The following TARBP1 variants were observed in gnomAD, a reference collection of about 807,000 sequenced individuals.
TARBP1 encodes tRNA guanosine 2 -O-methyltransferase TARBP1, also known as tRNA (guanosine(18)-2'-O)-methyltransferase TARBP1.
In TARBP1, 144 loss-of-function variants were observed where a neutral mutation model predicts 178.6. The ratio of observed to expected loss-of-function variants is 0.81; its 90% CI spans 0.70 to 0.93. The LOEUF (loss-of-function observed/expected upper bound fraction) is 0.93. Ranked by LOEUF, TARBP1 falls within the 40% of genes least tolerant of loss-of-function variation. The pLI, the probability that TARBP1 is intolerant of heterozygous loss-of-function variation, is 0.00. For missense variants in TARBP1, 2,067 were observed against 2,011.7 expected (o/e 1.03, Z -0.53); for synonymous variants, 787 against 781.0 (o/e 1.01, Z -0.13).
At chr1:234,428,895 G>A (rs1316096702) in intron 17 of TARBP1, among the ~76,000 whole-genome samples, 1 of 152,110 alleles carries the variant, frequency 6.6e-6, no homozygotes, top group Admixed American at 6.5e-5. Context: ...TTTAAACACT[G>A]TATGAACCAA....
intron 19 of TARBP1, among the ~76,000 whole-genome samples, chr1:234,426,047 C>T (rs1190622140): frequency 1.3e-5 from 2 of 152,212 alleles, no homozygotes; most frequent in African/African-American, 2.4e-5. Context: ...AGAATCAATG[C>T]ACACGCTGCT....
At chr1:234,413,745 A>T (rs1480138356) in intron 22 of TARBP1, among the ~76,000 whole-genome samples, 1 of 152,176 alleles carries the variant, frequency 6.6e-6, no homozygotes, top group Non-Finnish European at 1.5e-5. Context: ...CAGGGTGGAA[A>T]GCAGATGGAA....
At position 234,459,287 on chromosome 1, in the gene TARBP1, G is replaced by C; in HGVS notation, c.1575C>G (p.Leu525=). ...GGTAGCATTGGGCTGCCCCTCTCAG[G>C]AGAATCTGATGTGTGATCATAGTGC... The part of the protein sequence containing the change: ...IHCTMITHQI[L]LRGAAQCYLL... Residue 525 remains leucine (L), a synonymous_variant, in exon 8 of 30, where the codon CTC becomes CTG. Transcript: ENST00000040877. 12 of 1,613,428 alleles carry C rather than the reference G, an allele frequency of 7.4e-6. No homozygotes were observed. The highest frequency in any genetic ancestry group is 1.0e-5 in the Non-Finnish European group (12 of 1,179,764).
In TARBP1 at chr1:234,440,949, T is replaced by G. The variant is rs377517618; in HGVS notation, c.2135-3577A>C. Among the ~76,000 whole-genome samples, 156 of 152,252 alleles carry G rather than the reference T, an allele frequency of 1.0e-3. 6 individuals carry two copies. In the South Asian group the frequency reaches 0.032, roughly 31 times the overall value. ...CTGTAATCCCAGCACTCTGGGAGGC[T>G]TAGGTGGGCAGATCGCCTGAGGTCA... On this transcript the variant is annotated intron_variant, in intron 12 of 29. Transcript: ENST00000040877.
intron 29 of TARBP1, among the ~76,000 whole-genome samples, 157 bp downstream of exon 29, chr1:234,392,259 C>T (rs1328374297): frequency 6.6e-6 from 1 of 152,048 alleles, no homozygotes; most frequent in African/African-American, 2.4e-5. Context: ...TTGCTTGAGC[C>T]AATGAGGCAG....
chr1:234,476,464 G>A (rs959400501), intron 1 of TARBP1, among the ~76,000 whole-genome samples: 4 of 152,170 alleles, frequency 2.6e-5, no homozygotes, highest in African/African-American at 7.2e-5. Context: ...TGCGACATCT[G>A]GGCATGTAAG....
chr1:234,468,283 T>C (rs964859473), intron 3 of TARBP1, among the ~76,000 whole-genome samples: 5 of 151,686 alleles, frequency 3.3e-5, no homozygotes, highest in African/African-American at 1.2e-4. Context: ...CAAAACTCCA[T>C]CTCTACTAAA....
intron 6 of TARBP1, among the ~76,000 whole-genome samples, chr1:234,461,901 ACTTT>A (rs1667895037): frequency 6.6e-6 from 1 of 152,242 alleles, no homozygotes; most frequent in Non-Finnish European, 1.5e-5. Flanking sequence ...TTGTAGAATG[ACTTT>A]CAAGAAATCC....
intron 14 of TARBP1, 61 bp from the exon 15 acceptor site, chr1:234,430,362 T>C: frequency 6.8e-7 from 1 of 1,467,580 alleles, no homozygotes; most frequent in Non-Finnish European, 9.3e-7. Context: ...AGTAATGACC[T>C]CAGTTGCCAG....
At position 234,478,236 on chromosome 1, in the gene TARBP1, T is replaced by G; in HGVS notation, c.868A>C (p.Arg290=). 6.2e-7 allele frequency: 1 copy of G among 1,611,112 alleles called. No homozygotes were observed. Among genetic ancestry groups the G allele is most frequent in the South Asian group, 1.1e-5 (1 of 90,892 alleles). Residue 290 remains arginine (R), a synonymous_variant, in exon 1 of 30, where the codon AGG becomes CGG. Coordinates refer to ENST00000040877, the MANE Select transcript of TARBP1 (RefSeq NM_005646.4). ...AGCTCCGCCGACACCTCCACCGCCC[T>G]CTGCAGCAGGTAGCGCGCTCGCTTG... ...TRKRARYLLQ[R]AVEVSAELGA...
chr1:234,404,124 C>A (rs1433063258), intron 24 of TARBP1, among the ~76,000 whole-genome samples: 1 of 152,148 alleles, frequency 6.6e-6, no homozygotes, highest in Non-Finnish European at 1.5e-5. Context: ...AACACAGCTA[C>A]CAACAAATTT....
intron 12 of TARBP1, among the ~76,000 whole-genome samples, chr1:234,444,166 C>T (rs761290598): frequency 4.0e-4 from 61 of 152,106 alleles, no homozygotes; most frequent in Non-Finnish European, 3.8e-4. Context: ...TAAAAACCTA[C>T]GTCAGGAAGA....
At chr1:234,476,914 G>A (rs576317956) in intron 1 of TARBP1, among the ~76,000 whole-genome samples, 3 of 152,336 alleles carry the variant, frequency 2.0e-5, no homozygotes, top group Admixed American at 6.5e-5. Flanking sequence ...GGCCGAGCGC[G>A]GTGGCTCACG....
chr1:234,450,084 C>A (rs1666590149), intron 10 of TARBP1, among the ~76,000 whole-genome samples: 1 of 152,132 alleles, frequency 6.6e-6, no homozygotes, highest in Non-Finnish European at 1.5e-5. Flanking sequence ...TATATTTCCA[C>A]TACAGAGGCT....
At position 234,402,520 on chromosome 1, in the gene TARBP1, C is replaced by T. The variant is rs1009488417; in HGVS notation, c.3990-1258G>A. ...AAGAAAATTATAGACACCAGTAAACCTACCACTCTGATGTAATATATGTTA... is the reference window on the plus strand; with the variant it reads ...AAGAAAATTATAGACACCAGTAAACTTACCACTCTGATGTAATATATGTTA... On this transcript the variant is annotated intron_variant, in intron 24 of 29. Transcript: ENST00000040877. 7.2e-5 allele frequency among the ~76,000 whole-genome samples: 11 copies of T among 152,050 alleles called. No homozygotes were observed. In the East Asian group the frequency reaches 2.1e-3, roughly 29 times the overall value.
chr1:234,466,123 G>A (rs113212335), intron 4 of TARBP1, among the ~76,000 whole-genome samples: 2,880 of 152,236 alleles, frequency 0.019, 41 homozygotes, highest in Non-Finnish European at 0.031. Context: ...ATTAGATACT[G>A]GTCAGAAAAG....
At chr1:234,468,968 A>G (rs1022651849) in intron 3 of TARBP1, among the ~76,000 whole-genome samples, 1 of 151,188 alleles carries the variant, frequency 6.6e-6, no homozygotes, top group African/African-American at 2.4e-5. Context: ...TTTCATGGAA[A>G]ACACAAAAGT....
chr1:234,391,577 T>C lies in TARBP1; in HGVS notation c.4866A>G (p.Ter1622TrpextTer15). ...QLLSHGDTKP* is the reference protein window; with the variant it reads ...QLLSHGDTKPW ...GCAGCAGTTCACTAAGGAAGGCACA[T>C]CATGGCTTGGTATCTCCGTGCGAGA... is the stretch of plus-strand genomic sequence containing the variant. Residue 1622 changes from the stop codon to tryptophan (W), a stop_lost, in exon 30 of 30, where the codon TGA (stop) becomes TGG (tryptophan). Transcript: ENST00000040877. 2 of 1,605,404 alleles carry C rather than the reference T, an allele frequency of 1.2e-6. No individual in the cohort carries two copies. Among genetic ancestry groups the C allele is most frequent in the Non-Finnish European group, 1.7e-6 (2 of 1,174,736 alleles).
At chr1:234,436,506 C>T (rs1665044365) in intron 13 of TARBP1, among the ~76,000 whole-genome samples, 1 of 152,000 alleles carries the variant, frequency 6.6e-6, no homozygotes, top group Non-Finnish European at 1.5e-5. Flanking sequence ...ATAATAGCTT[C>T]CTTGCCTTTC....
Sources: gnomAD v4.1 joint callset for allele counts (sites outside exome capture counted in the v4.1 genomes callset) on GRCh38, gnomAD v4.1.1 for gene constraint, MANE v1.5 for transcripts, NCBI Gene and HGNC (gene_info 2026-07-23, HGNC 2026-07-21) for gene names.